The following MCPH1 variants were observed in gnomAD, a reference collection of about 807,000 sequenced individuals.
The protein encoded by MCPH1 is microcephalin.
Under a neutral mutation model 84.5 loss-of-function variants are expected in MCPH1, and 104 were observed. That is an observed-to-expected ratio of 1.23 (90% CI 1.05 to 1.45). The LOEUF is 1.45. MCPH1 is among the 40% of genes most tolerant of loss of function. MCPH1 has a pLI of 0.00. For synonymous variants in MCPH1, 514 were observed against 366.8 expected, an observed-to-expected ratio of 1.40 and a Z score of -4.58; for missense variants, 1,498 against 1,005.7, an observed-to-expected ratio of 1.49 and a Z score of -6.62.
chr8:6,557,575 G>A (rs1206252822), intron 12 of MCPH1, among the ~76,000 whole-genome samples: 1 of 152,190 alleles, frequency 6.6e-6, no homozygotes, highest in Non-Finnish European at 1.5e-5. Flanking sequence ...GTCTAGATGG[G>A]CCCTGTTTAA....
chr8:6,443,064 C>T (rs1237944520), intron 7 of MCPH1, among the ~76,000 whole-genome samples: 2 of 152,176 alleles, frequency 1.3e-5, no homozygotes, highest in Admixed American at 6.5e-5. Flanking sequence ...TTGTTGTAGG[C>T]ACTCCTCTAA....
intron 12 of MCPH1, among the ~76,000 whole-genome samples, chr8:6,560,056 G>A (rs928778781): frequency 2.6e-5 from 4 of 152,158 alleles, no homozygotes; most frequent in Non-Finnish European, 5.9e-5. Flanking sequence ...ACCACTCAGA[G>A]GTTGAACTAC....
At chr8:6,504,399 A>T (rs1184737810) in intron 12 of MCPH1, among the ~76,000 whole-genome samples, 1 of 151,274 alleles carries the variant, frequency 6.6e-6, no homozygotes, top group Non-Finnish European at 1.5e-5. Flanking sequence ...CCTGATGCCC[A>T]CTTCATCCCT....
chr8:6,512,314 G>T (rs1815319980), intron 12 of MCPH1, among the ~76,000 whole-genome samples: 1 of 152,094 alleles, frequency 6.6e-6, no homozygotes, highest in Admixed American at 6.6e-5. Context: ...ATCCTCCCCT[G>T]GGCAGCCTGC....
chr8:6,477,828 G>T (rs1177569271), intron 10 of MCPH1, among the ~76,000 whole-genome samples, 197 bp downstream of exon 10: 1 of 152,164 alleles, frequency 6.6e-6, no homozygotes, highest in African/African-American at 2.4e-5. Context: ...AAAACTCTGG[G>T]GTTGTTTAGG....
At chr8:6,601,818 A>G (rs1315117921) in intron 12 of MCPH1, among the ~76,000 whole-genome samples, 1 of 143,072 alleles carries the variant, frequency 7.0e-6, no homozygotes, top group African/African-American at 3.0e-5. Flanking sequence ...AGCCTTTCCT[A>G]ATTATCTAAA....
rs1195804691 is a variant in MCPH1 at position 6,621,563 on chromosome 8, T to G, written c.2324T>G (p.Leu775Arg). The G allele has an allele frequency of 6.2e-7, 1 of 1,614,046 alleles. No homozygotes were observed. Among genetic ancestry groups the G allele is most frequent in the Admixed American group, 1.7e-5 (1 of 59,998 alleles). The change falls in exon 13 of 14, where the codon CTC becomes CGC. Residue 775 changes from leucine (L) to arginine (R), a missense_variant. By Grantham distance (102) the Leu-to-Arg change is moderately radical. Coordinates refer to ENST00000344683, the MANE Select transcript of MCPH1 (RefSeq NM_024596.5). The stretch of plus-strand genomic sequence containing the variant: ...GCCAGCAGCCCCCCAGTGGCCAAGC[T>G]CTGTGAACTAGTCCACCTGTGCGGA... ...SPASSPPVAKLCELVHLCGGR... is the reference protein window; with the variant it reads ...SPASSPPVAKRCELVHLCGGR...
intron 11 of MCPH1, among the ~76,000 whole-genome samples, chr8:6,493,648 A>C (rs1333923201): frequency 6.6e-6 from 1 of 152,146 alleles, no homozygotes; most frequent in Non-Finnish European, 1.5e-5. Context: ...ATCCTGGTTC[A>C]GTGGGTCTGG....
intron 9 of MCPH1, among the ~76,000 whole-genome samples, chr8:6,466,622 A>T (rs1806986223): frequency 6.7e-6 from 1 of 148,670 alleles, no homozygotes; most frequent in South Asian, 2.1e-4. Context: ...TTTGTGTTTT[A>T]GTAGAGACAG....
At chr8:6,534,699 C>T (rs902488059) in intron 12 of MCPH1, among the ~76,000 whole-genome samples, 1 of 152,160 alleles carries the variant, frequency 6.6e-6, no homozygotes, top group East Asian at 1.9e-4. Flanking sequence ...CAGCAACCAT[C>T]TCTATTATAG....
intron 12 of MCPH1, among the ~76,000 whole-genome samples, chr8:6,544,839 G>A (rs1037201967): frequency 1.7e-4 from 26 of 152,156 alleles, no homozygotes; most frequent in East Asian, 3.8e-4. Flanking sequence ...AGGAAGACTC[G>A]AAATATGTTT....
At chr8:6,491,818 A>G (rs1355755581) in intron 11 of MCPH1, among the ~76,000 whole-genome samples, 7 of 152,094 alleles carry the variant, frequency 4.6e-5, no homozygotes, top group African/African-American at 7.2e-5. Context: ...ATCATATTTT[A>G]TGGCTGCATA....
chr8:6,621,624 C>A lies in MCPH1; in HGVS notation c.2385C>A (p.Ile795=), dbSNP rs376640908. Residue 795 remains isoleucine (I), a synonymous_variant, in exon 13 of 14, where the codon ATC becomes ATA. Transcript: ENST00000344683. ...RVSQVPRQAS[I]VIGPYSGKKK... ...GCCAAGTCCCCCGCCAGGCCAGCAT[C>A]GTCATCGGGCCCTACAGCGGAAAGA... 1 of 1,614,196 alleles carries A rather than the reference C, an allele frequency of 6.2e-7. No homozygotes were observed. The highest frequency in any genetic ancestry group is 1.7e-5 in the Admixed American group (1 of 60,016).
intron 12 of MCPH1, among the ~76,000 whole-genome samples, chr8:6,604,808 C>T (rs1829632157): frequency 6.6e-6 from 1 of 152,164 alleles, no homozygotes; most frequent in Non-Finnish European, 1.5e-5. Flanking sequence ...TCCAGCCCAG[C>T]CTACTTTTAT....
chr8:6,605,808 G>A (rs4492399), intron 12 of MCPH1, among the ~76,000 whole-genome samples: 39,159 of 151,926 alleles, frequency 0.26, 5,374 homozygotes, highest in African/African-American at 0.28. Context: ...AGCAATTCTC[G>A]TGCCTCAGAC....
rs1338502600 is a variant in MCPH1, at chr8:6,648,254, C to G, written c.*5205C>G. On this transcript the variant is annotated 3_prime_UTR_variant, in exon 14 of 14. Transcript: ENST00000344683. ...TGCAATGTGGTCTAAGCTGTCAGAC[C>G]TCCACAGTGGCCAGAAGGTTTTCCA... The G allele has an allele frequency of 2.6e-5, 4 of 152,380 alleles. No individual in the cohort carries two copies. The East Asian group carries it at 7.7e-4, about 29-fold the overall frequency. The allele number at this position is 152,380 out of a possible 1,614,324, so 9.4% of individuals were successfully genotyped here.
intron 2 of MCPH1, among the ~76,000 whole-genome samples, chr8:6,410,515 CTG>C (rs898513265): frequency 6.6e-6 from 1 of 152,202 alleles, no homozygotes; most frequent in African/African-American, 2.4e-5. Flanking sequence ...ATAGCCATCT[CTG>C]TTATCAGATT....
In MCPH1 at chr8:6,607,952, G is replaced by A. The variant is rs78669375; in HGVS notation, c.2215-13502G>A. Among the ~76,000 whole-genome samples the A allele has an allele frequency of 7.9e-4, 121 of 152,274 alleles. 1 individual carries two copies. The highest frequency in any genetic ancestry group is 2.7e-3 in the African/African-American group (112 of 41,542). Reference sequence around the variant, plus strand: ...TTTGGCAATAAAGTGATCCATTCACGCCCAAGAAGTGGGTGGAGCTGGGAA... The same window carrying A: ...TTTGGCAATAAAGTGATCCATTCACACCCAAGAAGTGGGTGGAGCTGGGAA... On this transcript the variant is annotated intron_variant, in intron 12 of 13. Coordinates refer to ENST00000344683, the MANE Select transcript of MCPH1 (RefSeq NM_024596.5).
At chr8:6,578,618 TAGA>T (rs1181021944) in intron 12 of MCPH1, among the ~76,000 whole-genome samples, 1 of 152,154 alleles carries the variant, frequency 6.6e-6, no homozygotes. Flanking sequence ...TTGGAGAAAA[TAGA>T]AGAACTAGAA....
Sources: gnomAD v4.1 joint callset for allele counts (sites outside exome capture counted in the v4.1 genomes callset) on GRCh38, gnomAD v4.1.1 for gene constraint, MANE v1.5 for transcripts, NCBI Gene and HGNC (gene_info 2026-07-23, HGNC 2026-07-21) for gene names.